The following SPATA6 variants were observed in gnomAD, a reference collection of about 807,000 sequenced individuals.
SPATA6 encodes the protein spermatogenesis-associated protein 6.
Under a neutral mutation model 65.3 loss-of-function variants are expected in SPATA6, and 56 were observed. That is an observed-to-expected ratio of 0.86 (90% CI 0.69 to 1.07). SPATA6 has a LOEUF of 1.07. SPATA6 is among the 50% of genes least tolerant of loss of function. SPATA6 has a pLI of 0.00. For missense variants in SPATA6, 590 were observed against 594.8 expected (o/e 0.99, Z 0.08); for synonymous variants, 199 against 213.2 (o/e 0.93, Z 0.58).
chr1:48,372,673 T>C (rs1425660474), intron 9 of SPATA6, among the ~76,000 whole-genome samples: 3 of 152,352 alleles, frequency 2.0e-5, no homozygotes, highest in Non-Finnish European at 4.4e-5. Flanking sequence ...AAGTTCTCCA[T>C]GAGGGCTCCG....
intron 3 of SPATA6, among the ~76,000 whole-genome samples, chr1:48,417,507 A>T (rs1652885501): frequency 6.6e-6 from 1 of 152,160 alleles, no homozygotes; most frequent in Non-Finnish European, 1.5e-5. Context: ...CAAACACAAG[A>T]CTATTTTAAA....
chr1:48,320,649 A>G (rs2148700644), intron 11 of SPATA6, among the ~76,000 whole-genome samples: 1 of 152,368 alleles, frequency 6.6e-6, no homozygotes, highest in Non-Finnish European at 1.5e-5. Context: ...AAGGATGTTA[A>G]TGAGCAATAA....
chr1:48,365,921 G>T lies in SPATA6; in HGVS notation c.910-6151C>A, dbSNP rs1038740201. ...TTTTTGCCCATTCAGTATGATATTG[G>T]CTGTGGGTTTGTCATAGATAGCTCT... On this transcript the variant is annotated intron_variant, in intron 9 of 12. Transcript: ENST00000371847. Among the ~76,000 whole-genome samples, 4 of 152,264 alleles carry T rather than the reference G, an allele frequency of 2.6e-5. No individual in the cohort carries two copies. In the South Asian group the frequency reaches 8.3e-4, roughly 32 times the overall value.
intron 11 of SPATA6, chr1:48,326,135 C>G (rs969508104): frequency 5.2e-5 from 8 of 154,520 alleles, no homozygotes; most frequent in African/African-American, 1.9e-4. Context: ...TTGCATCTTC[C>G]CCTCCCATTT....
At chr1:48,352,527 C>A (rs1015030667) in intron 11 of SPATA6, among the ~76,000 whole-genome samples, 1 of 151,740 alleles carries the variant, frequency 6.6e-6, no homozygotes, top group Non-Finnish European at 1.5e-5. Flanking sequence ...AGCAAATATC[C>A]AAACTGGAGA....
chr1:48,317,049 A>G (rs1157827512), intron 11 of SPATA6, among the ~76,000 whole-genome samples: 1 of 152,176 alleles, frequency 6.6e-6, no homozygotes, highest in Non-Finnish European at 1.5e-5. Context: ...GAAAGATGTG[A>G]AGAAATAGGA....
chr1:48,465,921 A>G (rs948963340), intron 1 of SPATA6, among the ~76,000 whole-genome samples: 9 of 152,212 alleles, frequency 5.9e-5, no homozygotes, highest in African/African-American at 2.2e-4. Flanking sequence ...ATAATTGATT[A>G]TCAACTGCTA....
chr1:48,276,447 T>A, the SPATA6 span, among the ~76,000 whole-genome samples: 1 of 152,200 alleles, frequency 6.6e-6, no homozygotes, highest in Admixed American at 6.6e-5. Context: ...TTTAGATCTT[T>A]CCCACTTTCA....
chr1:48,321,926 A>G lies in SPATA6; in HGVS notation c.1195-16048T>C, dbSNP rs371071294. 1.5e-4 allele frequency among the ~76,000 whole-genome samples: 23 copies of G among 152,316 alleles called. 1 individual carries two copies. The East Asian group carries it at 3.3e-3, about 22-fold the overall frequency. ...CTGGATAACCAGTGAGTCAATAAAC[A>G]TATTAAGAAGAAAATTTTAAAATTT... On this transcript the variant is annotated intron_variant, in intron 11 of 12. Coordinates refer to ENST00000371847, the MANE Select transcript of SPATA6 (RefSeq NM_019073.4).
chr1:48,298,672 G>T lies in SPATA6; in HGVS notation c.*41C>A, dbSNP rs757540548. The T allele has an allele frequency of 3.2e-6, 5 of 1,540,860 alleles. No individual in the cohort carries two copies. The highest frequency in any genetic ancestry group is 4.4e-6 in the Non-Finnish European group (5 of 1,141,824). On this transcript the variant is annotated 3_prime_UTR_variant, in exon 13 of 13. Coordinates refer to ENST00000371847, the MANE Select transcript of SPATA6 (RefSeq NM_019073.4). ...TGATCACATCAAACATTTTCATTGA[G>T]AAATTGACACGGACACTAATGAGGT...
At chr1:48,437,089 G>A (rs1655007575) in intron 3 of SPATA6, 3 of 1,598,266 alleles carry the variant, frequency 1.9e-6, no homozygotes, top group Non-Finnish European at 1.7e-6. Context: ...GATGAAAGAA[G>A]AAAGCCAGGA....
At chr1:48,318,174 T>C (rs1476716639) in intron 11 of SPATA6, among the ~76,000 whole-genome samples, 2 of 152,176 alleles carry the variant, frequency 1.3e-5, no homozygotes, top group African/African-American at 4.8e-5. Flanking sequence ...ATATAGTTAA[T>C]AGCATACTTA....
intron 7 of SPATA6, 94 bp downstream of exon 7, chr1:48,399,257 T>C: frequency 1.5e-6 from 2 of 1,347,902 alleles, no homozygotes; most frequent in Non-Finnish European, 1.0e-6. Context: ...GTATTATTAA[T>C]ATAAGCTAGA....
In SPATA6 at chr1:48,331,927, C is replaced by T. The variant is rs528131962; in HGVS notation, c.1194+23743G>A. 1.5e-3 allele frequency among the ~76,000 whole-genome samples: 232 copies of T among 152,154 alleles called. 2 individuals carry two copies. The highest frequency in any genetic ancestry group is 5.3e-3 in the African/African-American group (222 of 41,522). On this transcript the variant is annotated intron_variant, in intron 11 of 12. Coordinates refer to ENST00000371847, the MANE Select transcript of SPATA6 (RefSeq NM_019073.4). ...AGACTGGGGACCTGTATTCAACAGT[C>T]GTAAAGAAAAAAATTCCAACCATGA...
intron 9 of SPATA6, among the ~76,000 whole-genome samples, chr1:48,374,206 T>C (rs1330735223): frequency 6.6e-6 from 1 of 152,052 alleles, no homozygotes; most frequent in African/African-American, 2.4e-5. Flanking sequence ...ATGTAGATGA[T>C]AAGTTTACCT....
chr1:48,264,799 G>C, the SPATA6 span, among the ~76,000 whole-genome samples: 2 of 152,142 alleles, frequency 1.3e-5, no homozygotes, highest in Non-Finnish European at 2.9e-5. Context: ...CCAAGACTTT[G>C]CTCCTGTGAA....
chr1:48,277,242 C>T, the SPATA6 span, among the ~76,000 whole-genome samples: 7 of 152,040 alleles, frequency 4.6e-5, no homozygotes, highest in South Asian at 2.1e-4. Context: ...CAGTTTCCAG[C>T]GTGAGCGATG....
At chr1:48,261,794 T>A in the SPATA6 span, among the ~76,000 whole-genome samples, 2 of 152,094 alleles carry the variant, frequency 1.3e-5, no homozygotes, top group Non-Finnish European at 1.5e-5. Flanking sequence ...CCAAATAATA[T>A]CCATAGCACC....
rs1331775217 is a variant in SPATA6, at chr1:48,297,444, ACC to A, written c.*1267_*1268del. On this transcript the variant is annotated 3_prime_UTR_variant, in exon 13 of 13. Transcript: ENST00000371847. ...ATATCACAGACTGTGATACTAAAGC[ACC>A]CTTAACATGATGTTAACAAGTTCTA... is the stretch of plus-strand genomic sequence containing the variant. 3 of 152,060 alleles carry A rather than the reference ACC, an allele frequency of 2.0e-5. No individual in the cohort carries two copies. Among genetic ancestry groups the A allele is most frequent in the Middle Eastern group, 3.2e-3 (1 of 316 alleles). The allele number at this position is 152,060 out of a possible 1,614,324, so 9.4% of individuals were successfully genotyped here. A position where few individuals can be genotyped will look rare whatever the true frequency, so the allele number is the denominator to read the frequency against.
Sources: allele counts gnomAD v4.1 joint callset (sites outside exome capture counted in the v4.1 genomes callset), GRCh38; gene constraint gnomAD v4.1.1; transcripts MANE v1.5; gene names NCBI Gene and HGNC (gene_info 2026-07-23, HGNC 2026-07-21).